The following RASA2 variants were observed in gnomAD, a reference collection of about 807,000 sequenced individuals.
The protein encoded by RASA2 is ras GTPase-activating protein 2.
A neutral mutation model predicts 118.2 loss-of-function variants in RASA2; 155 were observed. The observed-to-expected ratio is 1.31, with a 90% CI of 1.15 to 1.50. The LOEUF is 1.50. Among genes scored for constraint, RASA2 ranks in the 40% most tolerant of loss-of-function variants. The pLI is 0.00. For missense variants in RASA2, 1,016 were observed against 1,009.6 expected (o/e 1.01, Z -0.09); for synonymous variants, 353 against 349.1 (o/e 1.01, Z -0.12).
intron 5 of RASA2, among the ~76,000 whole-genome samples, chr3:141,551,784 C>T (rs2082579233): frequency 6.6e-6 from 1 of 152,052 alleles, no homozygotes; most frequent in African/African-American, 2.4e-5. Flanking sequence ...AGAATCAGAT[C>T]AGTCTTATTC....
chr3:141,553,326 C>T (rs963481972), intron 5 of RASA2, among the ~76,000 whole-genome samples: 7 of 152,062 alleles, frequency 4.6e-5, no homozygotes, highest in East Asian at 1.9e-4. Flanking sequence ...ATTATCAAAC[C>T]GCAAAATGTA....
chr3:141,497,803 T>G (rs958463603), intron 1 of RASA2, among the ~76,000 whole-genome samples: 12 of 151,662 alleles, frequency 7.9e-5, no homozygotes, highest in African/African-American at 2.9e-4. Flanking sequence ...GCCCAGGAGG[T>G]TGAGGCTGCG....
chr3:141,523,803 C>CA (rs753589147), intron 3 of RASA2, among the ~76,000 whole-genome samples: 9 of 152,158 alleles, frequency 5.9e-5, no homozygotes, highest in African/African-American at 1.2e-4. Context: ...ACTAGAATGT[C>CA]AGAGACCTGA....
intron 1 of RASA2, among the ~76,000 whole-genome samples, chr3:141,492,603 T>C (rs1283345181): frequency 6.6e-6 from 1 of 152,244 alleles, no homozygotes; most frequent in African/African-American, 2.4e-5. Flanking sequence ...TCCTTACTTG[T>C]AAAATTAGAG....
intron 5 of RASA2, among the ~76,000 whole-genome samples, chr3:141,546,459 C>T (rs1295616789): frequency 6.6e-6 from 1 of 152,188 alleles, no homozygotes; most frequent in African/African-American, 2.4e-5. Flanking sequence ...AGCACCTTTT[C>T]ATAAATTTGT....
rs779011440 is a variant in RASA2 at position 141,609,508 on chromosome 3, C to T, written c.2314C>T (p.Leu772=). 2.5e-6 allele frequency: 4 copies of T among 1,584,854 alleles called. No homozygotes were observed. Among genetic ancestry groups the T allele is most frequent in the Non-Finnish European group, 3.5e-6 (4 of 1,156,256 alleles). The change falls in exon 22 of 24, where the codon CTG becomes TTG. Residue 772 remains leucine, a synonymous_variant. Coordinates refer to ENST00000286364, the MANE Select transcript of RASA2 (RefSeq NM_006506.5). ...YSLFTLSLLK[L]QKMEEACGTI... is the part of the protein sequence containing the mutation. The stretch of plus-strand genomic sequence containing the variant: ...CCTTTTTACCCTCAGTTTACTTAAG[C>T]TGCAGAAGATGGAAGGTAAATACAC...
chr3:141,555,779 C>A, intron 6 of RASA2, 61 bp from the exon 7 acceptor site: 2 of 1,393,906 alleles, frequency 1.4e-6, no homozygotes, highest in Non-Finnish European at 2.0e-6. Flanking sequence ...TTGGAAATAG[C>A]ATGTTTTATA....
chr3:141,558,480 GTGA>G (rs999985177), intron 7 of RASA2, among the ~76,000 whole-genome samples: 6 of 152,146 alleles, frequency 3.9e-5, no homozygotes, highest in African/African-American at 1.4e-4. Context: ...GTCAGATGTG[GTGA>G]TGAAGAGAGA....
chr3:141,536,508 T>A (rs1267971617), intron 4 of RASA2, among the ~76,000 whole-genome samples: 1 of 151,788 alleles, frequency 6.6e-6, no homozygotes, highest in Admixed American at 6.6e-5. Context: ...TAATGTGATA[T>A]TATAACTGCA....
intron 3 of RASA2, among the ~76,000 whole-genome samples, chr3:141,519,831 G>A (rs1013565969): frequency 2.0e-5 from 3 of 152,022 alleles, no homozygotes; most frequent in Non-Finnish European, 4.4e-5. Context: ...TTGCTCATCA[G>A]AGAGGCAGAC....
chr3:141,528,870 A>G (rs1427961185), intron 3 of RASA2, among the ~76,000 whole-genome samples: 1 of 152,026 alleles, frequency 6.6e-6, no homozygotes, highest in Non-Finnish European at 1.5e-5. Flanking sequence ...TTACTTGACA[A>G]AAGAAAGTGA....
Position 141,572,701 on chromosome 3 carries a change from C to G in RASA2, c.1262C>G (p.Thr421Arg). 1 of 1,609,014 alleles carries G rather than the reference C, an allele frequency of 6.2e-7. No homozygotes were observed. The highest frequency in any genetic ancestry group is 8.5e-7 in the Non-Finnish European group (1 of 1,175,912). ...GTGGGAGGGCACTACCTGAAAGTAA[C>G]ATTAAAACCTATTCTTGATGAGGTA... ...KIVGGHYLKVTLKPILDEICD... is the reference protein window; with the variant it reads ...KIVGGHYLKVRLKPILDEICD... The change falls in exon 12 of 24, where the codon ACA becomes AGA. Residue 421 changes from threonine (T) to arginine (R), a missense_variant. Thr to Arg is a moderately conservative substitution (Grantham distance 71). This residue lies in a region of RASA2 where 896 missense variants were observed against 836.4 expected (regional missense o/e 1.07). Coordinates refer to ENST00000286364, the MANE Select transcript of RASA2 (RefSeq NM_006506.5).
At chr3:141,520,263 G>GGCCTCCCAAAGTGCTGGGATTA (rs1357404599) in intron 3 of RASA2, among the ~76,000 whole-genome samples, 1 of 151,952 alleles carries the variant, frequency 6.6e-6, no homozygotes, top group Non-Finnish European at 1.5e-5. Flanking sequence ...TGCCTGCCTT[G>GGCCTCCCAAAGTGCTGGGATTA]GCCTCCCAAA....
chr3:141,518,161 A>C (rs2082055889), intron 3 of RASA2, among the ~76,000 whole-genome samples: 1 of 151,480 alleles, frequency 6.6e-6, no homozygotes, highest in South Asian at 2.1e-4. Flanking sequence ...TTTTATTTGA[A>C]ATATGGTCAA....
At position 141,487,109 on chromosome 3, in the gene RASA2, C is replaced by T. The variant is rs200191034; in HGVS notation, c.26C>T (p.Ala9Val). ...ATGGCGGCGGCGGCGCCTGCTGCTG[C>T]GGCGGCTTCTTCCGAGGCGCCAGCG... is the stretch of plus-strand genomic sequence containing the variant. MAAAAPAA[A>V]AASSEAPAAS... Residue 9 changes from alanine (A) to valine (V), a missense_variant, in exon 1 of 24, where the codon GCG becomes GTG. Ala to Val is a moderately conservative substitution (Grantham distance 64). This residue lies in a region of RASA2 where 896 missense variants were observed against 836.4 expected (regional missense o/e 1.07). Transcript: ENST00000286364. The T allele has an allele frequency of 5.9e-3, 8,376 of 1,408,594 alleles. 32 individuals carry two copies. Among genetic ancestry groups the T allele is most frequent in the Non-Finnish European group, 7.2e-3 (7,744 of 1,068,174 alleles). The allele number at this position is 1,408,594 out of a possible 1,614,324, so 87.3% of individuals were successfully genotyped here.
At chr3:141,585,246 A>C (rs555865755) in intron 17 of RASA2, among the ~76,000 whole-genome samples, 4 of 152,206 alleles carry the variant, frequency 2.6e-5, no homozygotes, top group Non-Finnish European at 4.4e-5. Flanking sequence ...AGTGGAGCCT[A>C]GGGTAGCACC....
chr3:141,490,253 A>G (rs955209906), intron 1 of RASA2, among the ~76,000 whole-genome samples: 4 of 146,566 alleles, frequency 2.7e-5, no homozygotes, highest in African/African-American at 1.0e-4. Flanking sequence ...ACTCGACTCC[A>G]TTCTTCGGTC....
intron 19 of RASA2, among the ~76,000 whole-genome samples, chr3:141,602,094 T>A (rs1189902058): frequency 6.6e-6 from 1 of 152,232 alleles, no homozygotes; most frequent in Non-Finnish European, 1.5e-5. Flanking sequence ...GGCTGCTAAA[T>A]TCAGTATCTG....
intron 4 of RASA2, among the ~76,000 whole-genome samples, chr3:141,532,477 A>G (rs2082273264): frequency 6.6e-6 from 1 of 152,128 alleles, no homozygotes; most frequent in Admixed American, 6.6e-5. Context: ...GTGAGCTAGA[A>G]AGTTGTCAGG....
Sources: gnomAD v4.1 joint callset for allele counts (sites outside exome capture counted in the v4.1 genomes callset) on GRCh38, gnomAD v4.1.1 for gene constraint, gnomAD v4.1.1 regional missense constraint, MANE v1.5 for transcripts, NCBI Gene and HGNC (gene_info 2026-07-23, HGNC 2026-07-21) for gene names.